ST14: variants seen among roughly 807,000 people sequenced by gnomAD.
ST14 encodes the protein ST14 transmembrane serine protease matriptase.
Under a neutral mutation model 96.5 loss-of-function variants are expected in ST14, and 40 were observed. The observed-to-expected ratio is 0.41, with a 90% CI of 0.32 to 0.54. The LOEUF (loss-of-function observed/expected upper bound fraction) is 0.54. Among genes scored for constraint, ST14 ranks in the 20% least tolerant of loss-of-function variants. The probability of loss-of-function intolerance (pLI) is 0.17; values close to 1 mark genes in which losing one functional copy is unlikely to be tolerated. For synonymous variants in ST14, 506 were observed against 492.1 expected (o/e 1.03, Z -0.37); for missense variants, 1,066 against 1,188.9 (o/e 0.90, Z 1.52).
In ST14 at chr11:130,188,138, G is replaced by A. The variant is rs113584274; in HGVS notation, c.106G>A (p.Val36Met). 33 of 1,614,192 alleles carry A rather than the reference G, an allele frequency of 2.0e-5. No homozygotes were observed. Among genetic ancestry groups the A allele is most frequent in the African/African-American group, 1.3e-4 (10 of 75,068 alleles). ...HEKVNGLEEG[V>M]EFLPVNNVKK... ...GAAAGTGAATGGCTTGGAGGAAGGC[G>A]TGGAGTTCCTGCCAGTCAACAACGT... Residue 36 changes from valine to methionine, a missense_variant, in exon 2 of 19, where the codon GTG becomes ATG. Physicochemically the swap from Val to Met is conservative, Grantham distance 21 (BLOSUM62 1). Transcript: ENST00000278742. The surrounding 1 kb of genome is among the most constrained non-coding windows in gnomAD (Gnocchi z 5.4).
Position 130,209,967 on chromosome 11 carries a change from A to C in ST14, c.*144A>C. On this transcript the variant is annotated 3_prime_UTR_variant, in exon 19 of 19. Transcript: ENST00000278742. ...GTGAACTCAATCTCCAGGGCTCCAA[A>C]TCTGCCTAGAAAACCTCTCGCTTCC... 9.6e-7 allele frequency: 1 copy of C among 1,038,364 alleles called. No individual in the cohort carries two copies. Among genetic ancestry groups the C allele is most frequent in the Non-Finnish European group, 1.4e-6 (1 of 726,942 alleles). 64.3% of individuals were successfully genotyped at this position (1,038,364 alleles called of 1,614,324 possible).
At chr11:130,198,807 G>A (rs1452716969) in intron 14 of ST14, 140 bp from the exon 15 acceptor site, 2 of 1,555,220 alleles carry the variant, frequency 1.3e-6, no homozygotes, top group African/African-American at 2.7e-5. Flanking sequence ...AGCAGGGCAG[G>A]GAGGCCAGTG....
rs1309225452 is a variant in ST14 at position 130,194,302 on chromosome 11, G to A, written c.1015+14G>A. 7 of 1,614,014 alleles carry A rather than the reference G, an allele frequency of 4.3e-6. No individual in the cohort carries two copies. Among genetic ancestry groups the A allele is most frequent in the Non-Finnish European group, 5.9e-6 (7 of 1,180,022 alleles). On this transcript the variant is annotated intron_variant, in intron 8 of 18. Transcript: ENST00000278742. Reference sequence around the variant, plus strand: ...CTAGGATGAGCAGTAAGGAAGGGCAGGGCAGGGCGGGACTGCCCTCGGGCC... The same window carrying A: ...CTAGGATGAGCAGTAAGGAAGGGCAAGGCAGGGCGGGACTGCCCTCGGGCC...
chr11:130,189,941 C>T, intron 5 of ST14, 45 bp downstream of exon 5: 1 of 1,613,408 alleles, frequency 6.2e-7, no homozygotes, highest in Non-Finnish European at 8.5e-7. Context: ...GCCAGCCTTC[C>T]ATGGAGTGGG....
chr11:130,168,030 A>T (rs866991129), intron 1 of ST14, among the ~76,000 whole-genome samples: 3 of 152,114 alleles, frequency 2.0e-5, no homozygotes, highest in African/African-American at 7.2e-5. Context: ...TTTTCATTTA[A>T]CATTCTATCT....
chr11:130,189,520 G>A (rs374424177), intron 4 of ST14: 3 of 607,368 alleles, frequency 4.9e-6, no homozygotes, highest in East Asian at 2.8e-5. Context: ...CCCCAGAATC[G>A]GTCTGGTTGG....
At chr11:130,191,644 C>T (rs185050694) in intron 7 of ST14, among the ~76,000 whole-genome samples, 91 of 139,494 alleles carry the variant, frequency 6.5e-4, no homozygotes, top group Middle Eastern at 4.4e-3. Flanking sequence ...GAGCCGAGAT[C>T]GTACCACTAC....
At chr11:130,167,052 A>G (rs1953047760) in intron 1 of ST14, among the ~76,000 whole-genome samples, 2 of 152,104 alleles carry the variant, frequency 1.3e-5, no homozygotes, top group African/African-American at 2.4e-5. Flanking sequence ...CTCCACTAAA[A>G]ATCCAAAAAT....
intron 7 of ST14, among the ~76,000 whole-genome samples, chr11:130,193,683 C>T (rs749624227): frequency 7.2e-5 from 11 of 151,964 alleles, no homozygotes; most frequent in Admixed American, 3.9e-4. Flanking sequence ...TTGGCCAGGC[C>T]GGTCTCGAAC....
intron 1 of ST14, among the ~76,000 whole-genome samples, chr11:130,161,150 C>T (rs1013922013): frequency 3.9e-5 from 6 of 152,188 alleles, no homozygotes; most frequent in Non-Finnish European, 7.3e-5. Context: ...GACGCTGGGG[C>T]TTTGGAGGCT....
chr11:130,203,692 G>A (rs575383119), intron 16 of ST14, among the ~76,000 whole-genome samples: 63 of 152,044 alleles, frequency 4.1e-4, no homozygotes, highest in Admixed American at 3.9e-4. Context: ...CACTTTTGTT[G>A]CCCAGGCTGG....
chr11:130,194,695 AG>A lies in ST14; in HGVS notation c.1073del (p.Gly358AlafsTer21). ...QGTFNSPYYPGHYPPNIDCTW... is the reference protein window; with the variant it reads ...QGTFNSPYYPXHYPPNIDCTW... Reference sequence around the variant, plus strand: ...GGACATTCAACAGCCCCTACTACCCAGGCCACTACCCACCCAACATTGACTG... The same window carrying A: ...GGACATTCAACAGCCCCTACTACCCAGCCACTACCCACCCAACATTGACTG... On this transcript the variant is annotated frameshift_variant, in exon 9 of 19. Transcript: ENST00000278742. LOFTEE classifies it high-confidence loss of function. 6.2e-7 allele frequency: 1 copy of A among 1,614,136 alleles called. No individual in the cohort carries two copies.
intron 7 of ST14, among the ~76,000 whole-genome samples, chr11:130,193,911 C>A (rs1391356887): frequency 8.5e-5 from 13 of 152,308 alleles, no homozygotes; most frequent in South Asian, 8.3e-4. Flanking sequence ...TCACTAGCGC[C>A]TTCCATCAGT....
At chr11:130,176,380 T>G (rs1035932602) in intron 1 of ST14, among the ~76,000 whole-genome samples, 1 of 151,810 alleles carries the variant, frequency 6.6e-6, no homozygotes, top group African/African-American at 2.4e-5. Flanking sequence ...CTTTTTTTTT[T>G]TTCTTTTTCT....
rs536548880 is a variant in ST14, at chr11:130,181,245, G to T, written c.82-6869G>T. On this transcript the variant is annotated intron_variant, in intron 1 of 18. Coordinates refer to ENST00000278742, the MANE Select transcript of ST14 (RefSeq NM_021978.4). This position sits in a 1 kb window ranked among gnomAD's most constrained non-coding sequence, Gnocchi z 4.1. ...GGTGAGATAGTGGTGGTCCCTGTTA[G>T]ATCCTGGCCCTTTAGGGTCTGTACC... Among the ~76,000 whole-genome samples the T allele has an allele frequency of 1.3e-5, 2 of 152,318 alleles. No homozygotes were observed. The highest frequency in any genetic ancestry group is 3.9e-4 in the East Asian group (2 of 5,180).
Position 130,209,714 on chromosome 11 carries a change from A to G in ST14, c.2459A>G (p.Gln820Arg). Residue 820 changes from glutamine to arginine, a missense_variant, in exon 19 of 19, where the codon CAG (glutamine) becomes CGG (arginine). By Grantham distance (43) the Gln-to-Arg change is conservative. Transcript: ENST00000278742. Reference protein sequence around the residue: ...SSVEADGRIFQAGVVSWGDGC... With the variant: ...SSVEADGRIFRAGVVSWGDGC... ...GTGGAGGCGGATGGGCGGATCTTCC[A>G]GGCCGGTGTGGTGAGCTGGGGAGAC... The G allele has an allele frequency of 6.2e-7, 1 of 1,613,876 alleles. No homozygotes were observed. Among genetic ancestry groups the G allele is most frequent in the Non-Finnish European group, 8.5e-7 (1 of 1,180,002 alleles).
At chr11:130,206,163 T>G (rs936485405) in intron 16 of ST14, among the ~76,000 whole-genome samples, 1 of 152,242 alleles carries the variant, frequency 6.6e-6, no homozygotes, top group African/African-American at 2.4e-5. Context: ...GGGCCAGTTA[T>G]CTTACAGGAT....
At chr11:130,177,491 A>G (rs1953151258) in intron 1 of ST14, among the ~76,000 whole-genome samples, 2 of 152,088 alleles carry the variant, frequency 1.3e-5, no homozygotes, top group African/African-American at 2.4e-5. Context: ...TGAACCTGGG[A>G]GGTGGAGGTT....
Position 130,198,532 on chromosome 11 carries a change from G to A in ST14, c.1595G>A (p.Cys532Tyr). 1 of 1,614,094 alleles carries A rather than the reference G, an allele frequency of 6.2e-7. No homozygotes were observed. Among genetic ancestry groups the A allele is most frequent in the Non-Finnish European group, 8.5e-7 (1 of 1,180,016 alleles). The stretch of plus-strand genomic sequence containing the variant: ...GGTTGTCCGGCCCAGACCTTCAGGT[G>A]TTCCAATGGGAAGTGCCTCTCGAAA... Reference protein sequence around the residue: ...GCSCPAQTFRCSNGKCLSKSQ... With the variant: ...GCSCPAQTFRYSNGKCLSKSQ... Residue 532 changes from cysteine (C) to tyrosine (Y), a missense_variant, in exon 14 of 19, where the codon TGT becomes TAT. Transcript: ENST00000278742.
Sources: gnomAD v4.1 joint callset for allele counts (sites outside exome capture counted in the v4.1 genomes callset) on GRCh38, gnomAD v4.1.1 for gene constraint, Gnocchi (gnomAD v3.1) non-coding constraint, MANE v1.5 for transcripts, NCBI Gene and HGNC (gene_info 2026-07-23, HGNC 2026-07-21) for gene names.